HCN4: variants seen among roughly 807,000 people sequenced by gnomAD.
HCN4 encodes hyperpolarization activated cyclic nucleotide gated potassium channel 4.
HCN4 carries 29 observed loss-of-function variants against 76.9 expected under a neutral mutation model. The ratio of observed to expected loss-of-function variants is 0.38; its 90% CI spans 0.28 to 0.51. HCN4 has a LOEUF of 0.51. HCN4 is among the 20% of genes least tolerant of loss of function. HCN4 has a pLI of 0.90. For synonymous variants in HCN4, 772 were observed against 762.5 expected, an observed-to-expected ratio of 1.01 and a Z score of -0.21; for missense variants, 1,416 against 1,715.2, an observed-to-expected ratio of 0.83 and a Z score of 3.08.
chr15:73,330,309 G>A (rs1222597674), intron 3 of HCN4, among the ~76,000 whole-genome samples: 1 of 152,230 alleles, frequency 6.6e-6, no homozygotes, highest in African/African-American at 2.4e-5. Flanking sequence ...GAGCTAACGG[G>A]CCTCCTGCAT....
rs2042913270 is a variant in HCN4 at position 73,328,393 on chromosome 15, C to T, written c.1590+1180G>A. On this transcript the variant is annotated intron_variant, in intron 4 of 7. Coordinates refer to ENST00000261917, the MANE Select transcript of HCN4 (RefSeq NM_005477.3). This position sits in a 1 kb window ranked among gnomAD's most constrained non-coding sequence, Gnocchi z 4.0. ...ATCCCTGGTTATGCTCCTCAAATGC[C>T]AGGCTGGGAAAACATGCTGAGGAGT... is the stretch of plus-strand genomic sequence containing the variant. Among the ~76,000 whole-genome samples the T allele has an allele frequency of 6.6e-6, 1 of 151,910 alleles. No individual in the cohort carries two copies. Among genetic ancestry groups the T allele is most frequent in the African/African-American group, 2.4e-5 (1 of 41,342 alleles).
At position 73,325,044 on chromosome 15, in the gene HCN4, T is replaced by G. The variant is rs775068417; in HGVS notation, c.1889A>C (p.Lys630Thr). 1.2e-6 allele frequency: 2 copies of G among 1,614,208 alleles called. No homozygotes were observed. The highest frequency in any genetic ancestry group is 3.3e-5 in the Admixed American group (2 of 60,024). Residue 630 changes from lysine (K) to threonine (T), a missense_variant, in exon 6 of 8, where the codon AAG (lysine) becomes ACG (threonine). Lys to Thr is a moderately conservative substitution (Grantham distance 78). Around this residue, in one of 6 missense-constraint regions of HCN4, gnomAD observed 241 missense variants for 379.4 expected, o/e 0.64. Coordinates refer to ENST00000261917, the MANE Select transcript of HCN4 (RefSeq NM_005477.3). This position sits in a 1 kb window ranked among gnomAD's most constrained non-coding sequence, Gnocchi z 7.4. ...GCCATGCTGGATGAAGTACATCTTC[T>G]TGCCAATGGTGCCTTCCCGGATGAT... ...DYIIREGTIG[K>T]KMYFIQHGVV...
chr15:73,341,406 T>C (rs2043001949), intron 2 of HCN4, among the ~76,000 whole-genome samples: 1 of 151,982 alleles, frequency 6.6e-6, no homozygotes, highest in African/African-American at 2.4e-5. Context: ...CCTCCCAAAG[T>C]GCTAGGATTA....
At chr15:73,365,132 G>A (rs1445152812) in intron 1 of HCN4, among the ~76,000 whole-genome samples, 1 of 152,092 alleles carries the variant, frequency 6.6e-6, no homozygotes, top group Non-Finnish European at 1.5e-5. Flanking sequence ...GCTGGTCGGG[G>A]TGCGGTGGGT....
intron 1 of HCN4, among the ~76,000 whole-genome samples, chr15:73,362,752 C>A (rs144402897): frequency 6.6e-6 from 1 of 152,270 alleles, no homozygotes; most frequent in African/African-American, 2.4e-5. Flanking sequence ...CCAAAACCCT[C>A]GAAGCTCACA....
chr15:73,358,595 C>A (rs544297373), intron 1 of HCN4, among the ~76,000 whole-genome samples: 2 of 152,296 alleles, frequency 1.3e-5, no homozygotes, highest in Admixed American at 6.5e-5. Flanking sequence ...TACACACAGG[C>A]AAACACACCA....
intron 1 of HCN4, among the ~76,000 whole-genome samples, chr15:73,356,241 T>G (rs534851468): frequency 6.7e-6 from 1 of 149,750 alleles, no homozygotes; most frequent in Non-Finnish European, 1.5e-5. Flanking sequence ...GGCTGGAGTG[T>G]GGTGGTGCAA....
intron 1 of HCN4, among the ~76,000 whole-genome samples, chr15:73,347,816 C>A (rs565539525): frequency 6.6e-6 from 1 of 152,288 alleles, no homozygotes; most frequent in Admixed American, 6.5e-5. Flanking sequence ...CCTAGTCTCT[C>A]CAAATCCAGA....
chr15:73,326,055 A>T (rs572343596), intron 4 of HCN4, among the ~76,000 whole-genome samples: 1 of 152,268 alleles, frequency 6.6e-6, no homozygotes, highest in Non-Finnish European at 1.5e-5. Flanking sequence ...GCTCGGGTAC[A>T]AAAGATTTGT....
In HCN4 at chr15:73,325,361, G is replaced by T. The variant is rs201337528; in HGVS notation, c.1674C>A (p.Arg558=). ...RQRIHDYYEH[R]YQGKMFDEES... Reference sequence around the variant, plus strand: ...CCTCGTCGAACATCTTGCCCTGGTAGCGGTGCTCGTAGTAGTCGTGGATGC... The same window carrying T: ...CCTCGTCGAACATCTTGCCCTGGTATCGGTGCTCGTAGTAGTCGTGGATGC... The change falls in exon 5 of 8, where the codon CGC becomes CGA. Residue 558 remains arginine, a synonymous_variant. Transcript: ENST00000261917. This position sits in a 1 kb window ranked among gnomAD's most constrained non-coding sequence, Gnocchi z 7.4. 21 of 1,614,132 alleles carry T rather than the reference G, an allele frequency of 1.3e-5. No homozygotes were observed. The African/African-American group carries it at 2.5e-4, about 19-fold the overall frequency.
chr15:73,366,470 A>G (rs1045889727), intron 1 of HCN4, among the ~76,000 whole-genome samples: 1 of 152,198 alleles, frequency 6.6e-6, no homozygotes, highest in Non-Finnish European at 1.5e-5. Context: ...CCAGACCTTC[A>G]TCACAATCTC....
intron 2 of HCN4, among the ~76,000 whole-genome samples, chr15:73,338,308 G>C (rs982098565): frequency 6.6e-6 from 1 of 152,186 alleles, no homozygotes; most frequent in Admixed American, 6.5e-5. Flanking sequence ...TGCAGGGGTT[G>C]AGCACCTTCA....
intron 1 of HCN4, among the ~76,000 whole-genome samples, chr15:73,362,887 T>C (rs1002623047): frequency 6.6e-6 from 1 of 152,202 alleles, no homozygotes; most frequent in African/African-American, 2.4e-5. Context: ...GAGGCCTCTC[T>C]AGCCAGGCAG....
At position 73,325,355 on chromosome 15, in the gene HCN4, C is replaced by A. The variant is rs1177922518; in HGVS notation, c.1680G>T (p.Gln560His). The A allele has an allele frequency of 6.2e-7, 1 of 1,614,070 alleles. No individual in the cohort carries two copies. The highest frequency in any genetic ancestry group is 1.3e-5 in the African/African-American group (1 of 74,924). Reference sequence around the variant, plus strand: ...TGCTCTCCTCGTCGAACATCTTGCCCTGGTAGCGGTGCTCGTAGTAGTCGT... The same window carrying A: ...TGCTCTCCTCGTCGAACATCTTGCCATGGTAGCGGTGCTCGTAGTAGTCGT... ...RIHDYYEHRY[Q>H]GKMFDEESIL... Residue 560 changes from glutamine (Q) to histidine (H), a missense_variant, in exon 5 of 8, where the codon CAG (glutamine) becomes CAT (histidine). Physicochemically the swap from Gln to His is conservative, Grantham distance 24 (BLOSUM62 0). Transcript: ENST00000261917. The surrounding 1 kb of genome is among the most constrained non-coding windows in gnomAD (Gnocchi z 7.4).
intron 1 of HCN4, among the ~76,000 whole-genome samples, chr15:73,347,542 C>A (rs2043034907): frequency 6.6e-6 from 1 of 152,148 alleles, no homozygotes; most frequent in Non-Finnish European, 1.5e-5. Flanking sequence ...GGCACCCTGG[C>A]CATCAGCAAT....
In HCN4 at chr15:73,368,489, G is replaced by C. The variant is rs1250442186; in HGVS notation, c.-219C>G. The C allele has an allele frequency of 5.8e-6, 2 of 346,858 alleles. No homozygotes were observed. Among genetic ancestry groups the C allele is most frequent in the Admixed American group, 4.8e-5 (1 of 20,800 alleles). The allele number at this position is 346,858 out of a possible 1,614,324, so 21.5% of individuals were successfully genotyped here. A position where few individuals can be genotyped will look rare whatever the true frequency, so the allele number is the denominator to read the frequency against. On this transcript the variant is annotated 5_prime_UTR_variant, in exon 1 of 8. Transcript: ENST00000261917. The surrounding 1 kb of genome is among the most constrained non-coding windows in gnomAD (Gnocchi z 6.9). ...GCTCGCCGCGCTACACCTCCTCCCG[G>C]GCCCGGCTGGGCGCGGGGACCCCGC...
Position 73,368,046 on chromosome 15 carries a change from C to A in HCN4, c.225G>T (p.Ala75=). ...CGCCGCGGGCCGGCCCTTCGCTGTC[C>A]GCTGCCCCGAGGGCCGAGCTCCGGG... ...TESRSSALGA[A]DSEGPARGAG... Residue 75 remains alanine (A), a synonymous_variant, in exon 1 of 8, where the codon GCG becomes GCT. Coordinates refer to ENST00000261917, the MANE Select transcript of HCN4 (RefSeq NM_005477.3). The surrounding 1 kb of genome is among the most constrained non-coding windows in gnomAD (Gnocchi z 6.9). 6.8e-7 allele frequency: 1 copy of A among 1,470,238 alleles called. No individual in the cohort carries two copies. The highest frequency in any genetic ancestry group is 9.0e-7 in the Non-Finnish European group (1 of 1,116,976). The allele number at this position is 1,470,238 out of a possible 1,614,324, so 91.1% of individuals were successfully genotyped here. A position where few individuals can be genotyped will look rare whatever the true frequency, so the allele number is the denominator to read the frequency against.
chr15:73,335,382 A>G (rs56118677), intron 2 of HCN4: 43,927 of 152,318 alleles, frequency 0.29, 7,994 homozygotes, highest in Non-Finnish European at 0.41. Flanking sequence ...ACAAGGGGCA[A>G]ATCAGGTTCC....
Position 73,325,067 on chromosome 15 carries a change from G to A in HCN4, c.1866C>T (p.Ile622=), listed in dbSNP as rs761531687. ...RFEVFQPGDY[I]IREGTIGKKM... ...TCTTGCCAATGGTGCCTTCCCGGAT[G>A]ATGTAGTCCCCAGGCTGGAAGACCT... The change falls in exon 6 of 8, where the codon ATC becomes ATT. Residue 622 remains isoleucine (I), a synonymous_variant. Transcript: ENST00000261917. This position sits in a 1 kb window ranked among gnomAD's most constrained non-coding sequence, Gnocchi z 7.4. The A allele has an allele frequency of 3.1e-6, 5 of 1,614,238 alleles. No individual in the cohort carries two copies. Among genetic ancestry groups the A allele is most frequent in the Non-Finnish European group, 4.2e-6 (5 of 1,180,048 alleles).
Sources: gnomAD v4.1 joint callset for allele counts (sites outside exome capture counted in the v4.1 genomes callset) on GRCh38, gnomAD v4.1.1 for gene constraint, gnomAD v4.1.1 regional missense constraint, Gnocchi (gnomAD v3.1) non-coding constraint, MANE v1.5 for transcripts, NCBI Gene and HGNC (gene_info 2026-07-23, HGNC 2026-07-21) for gene names.